NDST3: variants seen among roughly 807,000 people sequenced by gnomAD.
NDST3 encodes bifunctional heparan sulfate N-deacetylase/N-sulfotransferase 3.
In NDST3, 58 loss-of-function variants were observed where a neutral mutation model predicts 96.1. The ratio of observed to expected loss-of-function variants is 0.60; its 90% confidence interval spans 0.49 to 0.75. The LOEUF is 0.75. NDST3 is among the 30% of genes least tolerant of loss of function. NDST3 has a pLI of 0.00. For missense variants in NDST3, 788 were observed against 1,034.2 expected, an observed-to-expected ratio of 0.76 and a Z score of 3.27; for synonymous variants, 333 against 359.7, an observed-to-expected ratio of 0.93 and a Z score of 0.84.
At chr4:118,048,344 A>T (rs1040091467) in intron 1 of NDST3, among the ~76,000 whole-genome samples, 1 of 152,160 alleles carries the variant, frequency 6.6e-6, no homozygotes, top group Non-Finnish European at 1.5e-5. Context: ...ACCAGCTAAC[A>T]ACATGATGAC....
At chr4:118,045,839 C>A (rs533452356) in intron 1 of NDST3, among the ~76,000 whole-genome samples, 1 of 152,116 alleles carries the variant, frequency 6.6e-6, no homozygotes, top group East Asian at 1.9e-4. Flanking sequence ...TTTTAGCCTG[C>A]CTTATGTAGA....
At chr4:118,131,603 C>T (rs1732621166) in intron 4 of NDST3, among the ~76,000 whole-genome samples, 1 of 151,954 alleles carries the variant, frequency 6.6e-6, no homozygotes, top group South Asian at 2.1e-4. Flanking sequence ...TCTCTGATGC[C>T]TTATTTAGTT....
Position 118,054,908 on chromosome 4 carries a change from T to C in NDST3, c.981+17T>C. 6.2e-7 allele frequency: 1 copy of C among 1,604,420 alleles called. No individual in the cohort carries two copies. The highest frequency in any genetic ancestry group is 8.5e-7 in the Non-Finnish European group (1 of 1,178,638). On this transcript the variant is annotated intron_variant, in intron 2 of 13. Transcript: ENST00000296499. ...GATGTAAAGGTAAGGCTCTATTTTC[T>C]CAAGTTTCAAAGTTCAGTTCATCTT...
chr4:118,170,793 T>C (rs1030510014), intron 6 of NDST3, among the ~76,000 whole-genome samples: 5 of 152,192 alleles, frequency 3.3e-5, no homozygotes, highest in Admixed American at 1.3e-4. Flanking sequence ...AGGTAAAGGT[T>C]ACACAGATGT....
intron 6 of NDST3, among the ~76,000 whole-genome samples, chr4:118,159,802 A>C (rs1734964941): frequency 6.6e-6 from 1 of 152,218 alleles, no homozygotes; most frequent in Admixed American, 6.5e-5. Context: ...TTTTAATAGC[A>C]AACATGATTA....
intron 6 of NDST3, among the ~76,000 whole-genome samples, chr4:118,145,568 T>A (rs1733878233): frequency 6.6e-6 from 1 of 152,362 alleles, no homozygotes; most frequent in African/African-American, 2.4e-5. Flanking sequence ...CTATTGTCTT[T>A]GTTTTTAAAA....
chr4:118,146,215 T>C (rs913384605), intron 6 of NDST3, among the ~76,000 whole-genome samples: 26 of 152,264 alleles, frequency 1.7e-4, no homozygotes, highest in Admixed American at 1.6e-3. Context: ...TGCAGGAAAG[T>C]CATGAATTTT....
At chr4:118,133,813 G>A (rs112961683) in intron 4 of NDST3, among the ~76,000 whole-genome samples, 5 of 152,318 alleles carry the variant, frequency 3.3e-5, no homozygotes, top group African/African-American at 1.2e-4. Flanking sequence ...ATGAGAAGGA[G>A]GTAGTCAGAA....
chr4:118,125,380 T>C (rs1490423195), intron 4 of NDST3, among the ~76,000 whole-genome samples: 1 of 152,040 alleles, frequency 6.6e-6, no homozygotes, highest in South Asian at 2.1e-4. Flanking sequence ...AACAACATTG[T>C]CATCACAGAA....
intron 8 of NDST3, among the ~76,000 whole-genome samples, chr4:118,228,703 T>C (rs1238727754): frequency 1.3e-5 from 2 of 152,176 alleles, no homozygotes; most frequent in African/African-American, 4.8e-5. Flanking sequence ...GAACAGTTGT[T>C]AGCCTAAAAA....
chr4:118,170,650 A>G (rs1735879765), intron 6 of NDST3, among the ~76,000 whole-genome samples: 1 of 152,150 alleles, frequency 6.6e-6, no homozygotes, highest in African/African-American at 2.4e-5. Flanking sequence ...AATCGCTTGA[A>G]TCCGGGTGGT....
At chr4:118,149,129 C>T (rs1053011563) in intron 6 of NDST3, among the ~76,000 whole-genome samples, 1 of 152,110 alleles carries the variant, frequency 6.6e-6, no homozygotes, top group South Asian at 2.1e-4. Flanking sequence ...TGTTTTGGTA[C>T]CAGTACCATG....
At chr4:118,127,310 T>C (rs941605115) in intron 4 of NDST3, among the ~76,000 whole-genome samples, 1 of 152,056 alleles carries the variant, frequency 6.6e-6, no homozygotes, top group African/African-American at 2.4e-5. Flanking sequence ...TTTCTTATAG[T>C]AGTTTCATAG....
At chr4:118,163,754 TAATAA>T (rs918722264) in intron 6 of NDST3, among the ~76,000 whole-genome samples, 4 of 151,650 alleles carry the variant, frequency 2.6e-5, no homozygotes, top group Admixed American at 6.6e-5. Context: ...AGTATAATAA[TAATAA>T]AATAAAATAA....
chr4:118,112,766 CAG>C (rs1274473846), intron 3 of NDST3, among the ~76,000 whole-genome samples: 1 of 152,156 alleles, frequency 6.6e-6, no homozygotes, highest in East Asian at 1.9e-4. Context: ...TTGGGATCAT[CAG>C]AGTTTCTAAA....
At position 118,041,820 on chromosome 4, in the gene NDST3, GA is replaced by G. The variant is rs111426586; in HGVS notation, c.-156+7233del. ...AAGTGTTTTCATCTCATTTCTTTTT[GA>G]AAAATTTGAAAAATTACTGGGAAAA... On this transcript the variant is annotated intron_variant, in intron 1 of 13. Transcript: ENST00000296499. Among the ~76,000 whole-genome samples, 621 of 152,122 alleles carry G rather than the reference GA, an allele frequency of 4.1e-3. 5 individuals carry two copies. The highest frequency in any genetic ancestry group is 8.3e-3 in the African/African-American group (343 of 41,498).
At chr4:118,172,759 T>C (rs1221912574) in intron 6 of NDST3, among the ~76,000 whole-genome samples, 1 of 149,690 alleles carries the variant, frequency 6.7e-6, no homozygotes, top group East Asian at 1.9e-4. Flanking sequence ...ATTATTCCTA[T>C]CTAATTATGT....
intron 2 of NDST3, among the ~76,000 whole-genome samples, chr4:118,078,933 A>G (rs1727796857): frequency 6.6e-6 from 1 of 152,172 alleles, no homozygotes. Flanking sequence ...GTTGGCCCTC[A>G]ATATTTACAC....
intron 4 of NDST3, among the ~76,000 whole-genome samples, chr4:118,127,800 A>C (rs1243236964): frequency 1.3e-5 from 2 of 152,096 alleles, no homozygotes; most frequent in African/African-American, 4.8e-5. Flanking sequence ...CATTTTAACA[A>C]TATTGATTCT....
Sources: allele counts gnomAD v4.1 joint callset (sites outside exome capture counted in the v4.1 genomes callset), GRCh38; gene constraint gnomAD v4.1.1; transcripts MANE v1.5; gene names NCBI Gene and HGNC (gene_info 2026-07-23, HGNC 2026-07-21).